The following CCDC66 variants were observed in gnomAD, a reference collection of about 807,000 sequenced individuals.
CCDC66 encodes the protein coiled-coil domain-containing protein 66.
Under a neutral mutation model 128.3 loss-of-function variants are expected in CCDC66, and 133 were observed. The observed-to-expected ratio is 1.04, with a 90% confidence interval of 0.90 to 1.20. The LOEUF (loss-of-function observed/expected upper bound fraction) is 1.20, where lower values mean the gene tolerates loss of function less well. Among genes scored for constraint, CCDC66 ranks in the 50% most tolerant of loss-of-function variants. The probability of loss-of-function intolerance (pLI) is 0.00; values close to 1 mark genes in which losing one functional copy is unlikely to be tolerated. For synonymous variants in CCDC66, 387 were observed against 357.0 expected, an observed-to-expected ratio of 1.08 and a Z score of -0.95; for missense variants, 1,126 against 1,075.5, an observed-to-expected ratio of 1.05 and a Z score of -0.66.
chr3:56,587,973 C>T (rs527864437), intron 7 of CCDC66, among the ~76,000 whole-genome samples: 1 of 152,276 alleles, frequency 6.6e-6, no homozygotes, highest in African/African-American at 2.4e-5. Flanking sequence ...AGTCATTATA[C>T]GGAAAAGATA....
chr3:56,588,373 A>C (rs1376128769), intron 7 of CCDC66, among the ~76,000 whole-genome samples: 2 of 152,222 alleles, frequency 1.3e-5, no homozygotes, highest in African/African-American at 4.8e-5. Context: ...CGGGTGATGC[A>C]TACACCAGAA....
intron 7 of CCDC66, among the ~76,000 whole-genome samples, chr3:56,577,360 C>G (rs745331599): frequency 7.2e-5 from 11 of 151,804 alleles, no homozygotes; most frequent in Non-Finnish European, 1.0e-4. Context: ...ATTTTTCTCC[C>G]ATTCTGTAGG....
At chr3:56,580,568 T>C (rs1274088742) in intron 7 of CCDC66, among the ~76,000 whole-genome samples, 1 of 151,884 alleles carries the variant, frequency 6.6e-6, no homozygotes, top group Non-Finnish European at 1.5e-5. Flanking sequence ...TTTCCATGTT[T>C]AGTGCTTCCT....
intron 7 of CCDC66, among the ~76,000 whole-genome samples, chr3:56,580,072 G>C (rs532924415): frequency 1.6e-3 from 246 of 151,918 alleles, no homozygotes; most frequent in African/African-American, 5.6e-3. Context: ...CTAAGGACTT[G>C]CTTTATGAAT....
rs370201168 is a variant in CCDC66, at chr3:56,613,680, G to A, written c.1496G>A (p.Arg499His). The change falls in exon 11 of 18, where the codon CGC becomes CAC. Residue 499 changes from arginine (R) to histidine (H), a missense_variant. Transcript: ENST00000394672. ...AAGGAAGAACAAGAAGAGGAGCTTC[G>A]CTTAGCACAGGAACGTGAAGAGATG... ...RKKEEQEEEL[R>H]LAQEREEMQK... is the part of the protein sequence containing the mutation. 1.7e-4 allele frequency: 282 copies of A among 1,614,096 alleles called. 1 individual carries two copies. In the South Asian group the frequency reaches 1.8e-3, roughly 10 times the overall value.
At chr3:56,612,368 C>T (rs1340159498) in intron 10 of CCDC66, among the ~76,000 whole-genome samples, 1 of 152,088 alleles carries the variant, frequency 6.6e-6, no homozygotes, top group Non-Finnish European at 1.5e-5. Context: ...TTGTTGTGAA[C>T]GGGGACACCA....
chr3:56,565,534 G>A (rs1055506070), intron 4 of CCDC66, among the ~76,000 whole-genome samples: 3 of 149,498 alleles, frequency 2.0e-5, no homozygotes, highest in South Asian at 4.2e-4. Context: ...CTCATGATCC[G>A]CCTGCCTCAG....
chr3:56,594,682 CAA>C (rs71621827), intron 10 of CCDC66, among the ~76,000 whole-genome samples: 1 of 131,634 alleles, frequency 7.6e-6, no homozygotes, highest in Admixed American at 7.5e-5. Flanking sequence ...GACTCCATCT[CAA>C]AAAAAAAAAA....
intron 7 of CCDC66, 55 bp downstream of exon 7, chr3:56,571,357 ATTTATT>A (rs1340923331): frequency 2.5e-6 from 3 of 1,197,122 alleles, no homozygotes; most frequent in Admixed American, 5.9e-5. Context: ...ATATTATAGA[ATTTATT>A]TTTAAAGCTT....
At chr3:56,609,832 G>A (rs2074555458) in intron 10 of CCDC66, among the ~76,000 whole-genome samples, 2 of 152,030 alleles carry the variant, frequency 1.3e-5, no homozygotes, top group Admixed American at 1.3e-4. Flanking sequence ...ATGACTATAT[G>A]ATGCTTAGTT....
intron 7 of CCDC66, among the ~76,000 whole-genome samples, chr3:56,590,215 C>G (rs999812578): frequency 2.6e-5 from 4 of 152,144 alleles, no homozygotes; most frequent in Non-Finnish European, 5.9e-5. Context: ...TGTTCTTTCC[C>G]AAAGCTGCAT....
At chr3:56,566,049 T>C (rs561332550) in intron 4 of CCDC66, among the ~76,000 whole-genome samples, 14 of 152,336 alleles carry the variant, frequency 9.2e-5, no homozygotes, top group Admixed American at 5.2e-4. Context: ...TTATTTGATA[T>C]AAGAAATTGT....
intron 2 of CCDC66, among the ~76,000 whole-genome samples, chr3:56,559,223 A>G (rs2064772306): frequency 6.6e-6 from 1 of 152,200 alleles, no homozygotes; most frequent in African/African-American, 2.4e-5. Context: ...TGTTCTTTGC[A>G]TGTAAAGAAT....
chr3:56,615,843 T>C (rs2075425339), intron 12 of CCDC66, 79 bp from the exon 13 acceptor site: 6 of 1,232,776 alleles, frequency 4.9e-6, no homozygotes, highest in Non-Finnish European at 3.3e-6. Flanking sequence ...GTGAAAATTA[T>C]TGTATTTAGT....
In CCDC66 at chr3:56,576,124, A is replaced by G. The variant is rs985190273; in HGVS notation, c.936+4822A>G. Reference sequence around the variant, plus strand: ...GAAACTGTAGATTGCTTTGGGTAATATTAATATCTCAATAATATTAAGTCT... The same window carrying G: ...GAAACTGTAGATTGCTTTGGGTAATGTTAATATCTCAATAATATTAAGTCT... On this transcript the variant is annotated intron_variant, in intron 7 of 17. Transcript: ENST00000394672. 5.9e-5 allele frequency among the ~76,000 whole-genome samples: 9 copies of G among 151,682 alleles called. 1 individual carries two copies. Among genetic ancestry groups the G allele is most frequent in the Admixed American group, 1.3e-4 (2 of 15,054 alleles).
chr3:56,569,274 G>A, intron 6 of CCDC66: 1 of 273,570 alleles, frequency 3.7e-6, no homozygotes, highest in South Asian at 3.6e-5. Context: ...GAATACCTGA[G>A]ACTGAATAAT....
intron 7 of CCDC66, among the ~76,000 whole-genome samples, chr3:56,591,041 C>T (rs1306508532): frequency 6.6e-6 from 1 of 152,164 alleles, no homozygotes; most frequent in Non-Finnish European, 1.5e-5. Context: ...TACCTACTAC[C>T]TCTCCCCATC....
At chr3:56,574,635 T>G (rs2067119916) in intron 7 of CCDC66, among the ~76,000 whole-genome samples, 1 of 151,818 alleles carries the variant, frequency 6.6e-6, no homozygotes, top group Admixed American at 6.6e-5. Context: ...GTAATGCATA[T>G]GAAGTGCTTA....
intron 1 of CCDC66, among the ~76,000 whole-genome samples, chr3:56,558,204 G>C (rs1252385507): frequency 2.6e-5 from 4 of 151,976 alleles, no homozygotes; most frequent in South Asian, 4.2e-4. Flanking sequence ...TTCTCTCTCT[G>C]AATTATGGAC....
Sources: gnomAD v4.1 joint callset for allele counts (sites outside exome capture counted in the v4.1 genomes callset) on GRCh38, gnomAD v4.1.1 for gene constraint, MANE v1.5 for transcripts, NCBI Gene and HGNC (gene_info 2026-07-23, HGNC 2026-07-21) for gene names.